LARP4: variants seen among roughly 807,000 people sequenced by gnomAD.
LARP4 encodes the protein La ribonucleoprotein 4.
In LARP4, 29 loss-of-function variants were observed where a neutral mutation model predicts 92.9. The observed-to-expected ratio is 0.31, with a 90% CI of 0.23 to 0.43. LARP4 has a LOEUF of 0.43. Ranked by LOEUF, LARP4 falls within the 20% of genes least tolerant of loss-of-function variation. The pLI is 1.00. For synonymous variants in LARP4, 279 were observed against 284.1 expected, an observed-to-expected ratio of 0.98 and a Z score of 0.18; for missense variants, 732 against 860.0, an observed-to-expected ratio of 0.85 and a Z score of 1.86.
rs1943959422 is a variant in LARP4 at position 50,402,095 on chromosome 12, C to T, written c.18+1067C>T. Among the ~76,000 whole-genome samples, 2 of 152,030 alleles carry T rather than the reference C, an allele frequency of 1.3e-5. 1 individual carries two copies. ...GGAATTTACGGGTTGTATAATGAAT[C>T]TAGGAGCCGGGGCCAGCCTATGGCA... On this transcript the variant is annotated intron_variant, in intron 1 of 15. Transcript: ENST00000398473.
intron 11 of LARP4, 61 bp downstream of exon 11, chr12:50,461,408 G>T: frequency 7.1e-7 from 1 of 1,406,044 alleles, no homozygotes; most frequent in Non-Finnish European, 9.9e-7. Context: ...AATAATTGAA[G>T]AACATGATCT....
intron 10 of LARP4, among the ~76,000 whole-genome samples, chr12:50,459,804 C>T (rs1406076698): frequency 8.1e-6 from 1 of 123,414 alleles, no homozygotes; most frequent in Non-Finnish European, 1.6e-5. Flanking sequence ...AGCCTGGCGA[C>T]AGAGCAAGAC....
chr12:50,457,111 C>G (rs1456713120), intron 10 of LARP4, among the ~76,000 whole-genome samples: 4 of 151,690 alleles, frequency 2.6e-5, no homozygotes, highest in Non-Finnish European at 4.4e-5. Flanking sequence ...ATCATGTTGG[C>G]CAGGATGGTC....
At chr12:50,417,458 A>G (rs909558578) in intron 1 of LARP4, among the ~76,000 whole-genome samples, 7 of 152,108 alleles carry the variant, frequency 4.6e-5, no homozygotes, top group African/African-American at 1.7e-4. Flanking sequence ...GGGCTGTTTG[A>G]AAACTAGTTG....
At chr12:50,425,828 A>G (rs1948619564) in intron 1 of LARP4, among the ~76,000 whole-genome samples, 1 of 152,152 alleles carries the variant, frequency 6.6e-6, no homozygotes, top group South Asian at 2.1e-4. Flanking sequence ...AAGGAGTGGA[A>G]CTGTTCAGCA....
intron 13 of LARP4, 67 bp from the exon 14 acceptor site, chr12:50,473,348 A>G: frequency 8.3e-7 from 1 of 1,198,738 alleles, no homozygotes; most frequent in South Asian, 1.3e-5. Context: ...TCTTGTGCTT[A>G]TTAGACGTGT....
Position 50,400,906 on chromosome 12 carries a change from G to T in LARP4, c.-105G>T. ...GAGGAGCCGGGTCCACTGCCGGGTG[G>T]AGGGGCAAGGCGAGTGTGTGTCCTT... On this transcript the variant is annotated 5_prime_UTR_variant, in exon 1 of 16. Transcript: ENST00000398473. The T allele has an allele frequency of 2.6e-6, 4 of 1,514,878 alleles. No homozygotes were observed. The highest frequency in any genetic ancestry group is 2.8e-6 in the Non-Finnish European group (3 of 1,089,534). 93.8% of individuals were successfully genotyped at this position (1,514,878 alleles called of 1,614,324 possible).
At position 50,418,129 on chromosome 12, in the gene LARP4, G is replaced by A. The variant is rs1406819624; in HGVS notation, c.19-9633G>A. On this transcript the variant is annotated intron_variant, in intron 1 of 15. Transcript: ENST00000398473. The stretch of plus-strand genomic sequence containing the variant: ...ACCCGCCTTGGCCTCCCAAAGTGTT[G>A]GAATTACAGGTGTGAGCCACTGCGC... 3.3e-5 allele frequency among the ~76,000 whole-genome samples: 5 copies of A among 152,250 alleles called. No individual in the cohort carries two copies. In the East Asian group the frequency reaches 7.7e-4, roughly 24 times the overall value.
intron 8 of LARP4, among the ~76,000 whole-genome samples, chr12:50,444,782 A>G (rs1021810110): frequency 1.3e-5 from 2 of 152,184 alleles, no homozygotes; most frequent in South Asian, 2.1e-4. Flanking sequence ...TTCTGTTTCA[A>G]TTGTGATTTC....
At chr12:50,441,119 G>A (rs188720013) in intron 7 of LARP4, among the ~76,000 whole-genome samples, 3 of 152,074 alleles carry the variant, frequency 2.0e-5, no homozygotes, top group Non-Finnish European at 4.4e-5. Flanking sequence ...TCCTGACCTC[G>A]TGATTCGCCT....
At chr12:50,434,595 C>T (rs1156719062) in intron 4 of LARP4, among the ~76,000 whole-genome samples, 4 of 150,724 alleles carry the variant, frequency 2.7e-5, no homozygotes, top group East Asian at 4.0e-4. Context: ...TTAGTAGAGA[C>T]GGGGTTTCAC....
Position 50,473,462 on chromosome 12 carries a change from G to A in LARP4, c.1593G>A (p.Gln531=), listed in dbSNP as rs1197445499. 6.2e-7 allele frequency: 1 copy of A among 1,612,864 alleles called. No individual in the cohort carries two copies. The highest frequency in any genetic ancestry group is 8.5e-7 in the Non-Finnish European group (1 of 1,178,936). The stretch of plus-strand genomic sequence containing the variant: ...GTTGCCCAGTGCCTGCAGATGAGCA[G>A]ACAGAATGCACTTCTGCCCAGCAAC... The part of the protein sequence containing the change: ...TISCPVPADE[Q]TECTSAQQLN... Residue 531 remains glutamine (Q), a synonymous_variant, in exon 14 of 16, where the codon CAG becomes CAA. Transcript: ENST00000398473.
chr12:50,417,054 G>T (rs1012600273), intron 1 of LARP4, among the ~76,000 whole-genome samples: 2 of 152,134 alleles, frequency 1.3e-5, no homozygotes, highest in Admixed American at 1.3e-4. Flanking sequence ...GATACTTTTG[G>T]TACAGCAAGC....
chr12:50,463,811 C>A (rs1955789211), intron 12 of LARP4, among the ~76,000 whole-genome samples: 2 of 152,156 alleles, frequency 1.3e-5, no homozygotes. Flanking sequence ...ATGCAGTGCC[C>A]TAGTGGAGGC....
At chr12:50,470,316 GTTTTAT>G (rs989295539) in intron 13 of LARP4, among the ~76,000 whole-genome samples, 14 of 152,050 alleles carry the variant, frequency 9.2e-5, no homozygotes, top group Middle Eastern at 6.8e-3. Flanking sequence ...CTATCCAGTG[GTTTTAT>G]TTTTATTTTT....
At chr12:50,420,662 G>A (rs952877365) in intron 1 of LARP4, 1 of 152,160 alleles carries the variant, frequency 6.6e-6, no homozygotes, top group East Asian at 1.9e-4. Context: ...TCTTTAAAGT[G>A]CCTGAAAGGG....
chr12:50,411,790 C>T (rs1945952263), intron 1 of LARP4, among the ~76,000 whole-genome samples: 1 of 152,080 alleles, frequency 6.6e-6, no homozygotes, highest in East Asian at 1.9e-4. Flanking sequence ...AAGTGATTCT[C>T]CTGCCTCAGC....
chr12:50,474,514 A>AT (rs2139209330), intron 15 of LARP4, among the ~76,000 whole-genome samples: 1 of 152,050 alleles, frequency 6.6e-6, no homozygotes, highest in East Asian at 1.9e-4. Context: ...TGCCTGGCTA[A>AT]TTTTTTGTAT....
chr12:50,408,187 CTTTTTT>C (rs71083565), intron 1 of LARP4, among the ~76,000 whole-genome samples: 29 of 69,264 alleles, frequency 4.2e-4, no homozygotes, highest in Admixed American at 1.0e-3. Context: ...GGATTTTCTG[CTTTTTT>C]TTTTTTTTTT....
Sources: allele counts gnomAD v4.1 joint callset (sites outside exome capture counted in the v4.1 genomes callset), GRCh38; gene constraint gnomAD v4.1.1; transcripts MANE v1.5; gene names NCBI Gene and HGNC (gene_info 2026-07-23, HGNC 2026-07-21).